The following TTLL8 variants were observed in gnomAD, a reference collection of about 807,000 sequenced individuals.
TTLL8 encodes tubulin tyrosine ligase like 8, also known as protein monoglycylase TTLL8.
Under a neutral mutation model 77.8 loss-of-function variants are expected in TTLL8, and 65 were observed. That is an observed-to-expected ratio of 0.84 (90% CI 0.68 to 1.03). TTLL8 has a LOEUF of 1.03. Among genes scored for constraint, TTLL8 ranks in the 50% least tolerant of loss-of-function variants. The probability of loss-of-function intolerance (pLI) is 0.00; values close to 1 mark genes in which losing one functional copy is unlikely to be tolerated. For synonymous variants in TTLL8, 402 were observed against 422.8 expected (o/e 0.95, Z 0.60); for missense variants, 910 against 1,004.5 (o/e 0.91, Z 1.27).
rs986180817 is a variant in TTLL8 at position 50,044,085 on chromosome 22, G to T, written c.643+1170C>A. Among the ~76,000 whole-genome samples, 16 of 152,178 alleles carry T rather than the reference G, an allele frequency of 1.1e-4. No individual in the cohort carries two copies. Among genetic ancestry groups the T allele is most frequent in the Admixed American group, 1.0e-3 (16 of 15,272 alleles). Reference sequence around the variant, plus strand: ...CAAGCCTGTAATCCCAGCACTGTGGGAGGCCGAGGTGGGCGGATCACCTGA... The same window carrying T: ...CAAGCCTGTAATCCCAGCACTGTGGTAGGCCGAGGTGGGCGGATCACCTGA... On this transcript the variant is annotated intron_variant, in intron 6 of 13. Transcript: ENST00000266182. The surrounding 1 kb of genome is among the most constrained non-coding windows in gnomAD (Gnocchi z 4.2).
chr22:50,049,106 C>T (rs775799257), intron 3 of TTLL8, 143 bp downstream of exon 5: 100 of 1,270,134 alleles, frequency 7.9e-5, no homozygotes, highest in Non-Finnish European at 9.9e-5. Flanking sequence ...GCTGCCCGGT[C>T]AAGGGGCCCT....
Position 50,041,763 on chromosome 22 carries a change from G to T in TTLL8, c.688C>A (p.Leu230Ile). The T allele has an allele frequency of 7.3e-7, 1 of 1,364,686 alleles. No homozygotes were observed. Among genetic ancestry groups the T allele is most frequent in the Non-Finnish European group, 9.8e-7 (1 of 1,020,840 alleles). 84.5% of individuals were successfully genotyped at this position (1,364,686 alleles called of 1,614,324 possible). ...CACACCTTGCACGCGATGTCCACAAGCTGCCCCGGGAGGCCCCTGAGCTTT... is the reference window on the plus strand; with the variant it reads ...CACACCTTGCACGCGATGTCCACAATCTGCCCCGGGAGGCCCCTGAGCTTT... Residue 230 changes from leucine to isoleucine, a missense_variant, in exon 7 of 14, where the codon CTT becomes ATT. Around this residue, in one of 2 missense-constraint regions of TTLL8, gnomAD observed 776 missense variants for 926.1 expected, o/e 0.84. Transcript: ENST00000266182. The surrounding 1 kb of genome is among the most constrained non-coding windows in gnomAD (Gnocchi z 4.3).
chr22:50,032,516 G>C (rs1045263828), intron 10 of TTLL8, among the ~76,000 whole-genome samples: 1 of 152,208 alleles, frequency 6.6e-6, no homozygotes, highest in Non-Finnish European at 1.5e-5. Flanking sequence ...GTGTGACTTC[G>C]AGCATGACCC....
chr22:50,023,233 A>G (rs1278763878), intron 12 of TTLL8, among the ~76,000 whole-genome samples: 1 of 152,254 alleles, frequency 6.6e-6, no homozygotes, highest in African/African-American at 2.4e-5. Context: ...AAAACTATGC[A>G]ATAATATTGC....
chr22:50,050,845 C>T (rs2061440382), intron 1 of TTLL8, among the ~76,000 whole-genome samples: 1 of 152,208 alleles, frequency 6.6e-6, no homozygotes, highest in South Asian at 2.1e-4. Context: ...ACGACCCTTT[C>T]ACGTGGACCC....
exon 6 of TTLL8, chr22:50,045,274 G>A (rs376319309): frequency 1.3e-5 from 18 of 1,357,690 alleles, no homozygotes; most frequent in East Asian, 9.1e-5. Context: ...TGCTCAGGTC[G>A]CTGCTCCCGG....
At chr22:50,028,127 C>G (rs2061242741) in intron 12 of TTLL8, among the ~76,000 whole-genome samples, 1 of 152,220 alleles carries the variant, frequency 6.6e-6, no homozygotes, top group Admixed American at 6.5e-5. Context: ...GGCAGGCAAT[C>G]CGCCCAGTGA....
intron 1 of TTLL8, among the ~76,000 whole-genome samples, chr22:50,054,349 C>G (rs2061459859): frequency 6.6e-6 from 1 of 152,116 alleles, no homozygotes; most frequent in Non-Finnish European, 1.5e-5. Flanking sequence ...ATATGGGGAG[C>G]AGAGGTCTCC....
chr22:50,051,185 C>T (rs1341235140), intron 1 of TTLL8, among the ~76,000 whole-genome samples: 3 of 152,190 alleles, frequency 2.0e-5, no homozygotes, highest in Non-Finnish European at 2.9e-5. Context: ...TTTTATCCCT[C>T]TCTCCCCTCC....
chr22:50,027,574 C>G (rs1601907231), intron 12 of TTLL8: 1 of 871,020 alleles, frequency 1.1e-6, no homozygotes, highest in Non-Finnish European at 1.4e-6. Flanking sequence ...TCCCCAAGAT[C>G]TGCAGATTCA....
At chr22:50,051,892 C>A (rs2061445172) in intron 1 of TTLL8, among the ~76,000 whole-genome samples, 1 of 152,144 alleles carries the variant, frequency 6.6e-6, no homozygotes, top group Non-Finnish European at 1.5e-5. Context: ...GTTTTCAAAG[C>A]AGAAGGAGAC....
In TTLL8 at chr22:50,030,260, C is replaced by T. The variant is rs917718774; in HGVS notation, c.2203+170G>A. The T allele has an allele frequency of 1.0e-5, 10 of 985,234 alleles. No homozygotes were observed. In the African/African-American group the frequency reaches 1.6e-4, roughly 15 times the overall value. 61.0% of individuals were successfully genotyped at this position (985,234 alleles called of 1,614,324 possible). A position where few individuals can be genotyped will look rare whatever the true frequency, so the allele number is the denominator to read the frequency against. On this transcript the variant is annotated intron_variant, in intron 12 of 13. Transcript: ENST00000266182. ...CCGTGCCGGGCTGGGACAGGTGCCC[C>T]AACCCCGCTCCCCGGCTCCCGCCGG...
intron 12 of TTLL8, among the ~76,000 whole-genome samples, chr22:50,021,769 C>CAAT (rs2146623335): frequency 9.1e-6 from 1 of 110,166 alleles, no homozygotes; most frequent in Non-Finnish European, 1.8e-5. Flanking sequence ...CTCCATCTGA[C>CAAT]GTGCACTCCT....
intron 3 of TTLL8, chr22:50,049,030 A>G (rs941747022): frequency 1.3e-5 from 6 of 461,376 alleles, no homozygotes; most frequent in African/African-American, 1.3e-4. Context: ...CACCGGGTCC[A>G]CCCACTACAC....
chr22:50,055,379 C>A, upstream of TTLL8: 1 of 1,258,610 alleles, frequency 7.9e-7, no homozygotes, highest in Non-Finnish European at 1.0e-6. Flanking sequence ...CAAGGCCAGG[C>A]ACGGTGGCTC....
rs759397220 is a variant in TTLL8 at position 50,032,073 on chromosome 22, G to C, written c.1320C>G (p.Tyr440Ter). The C allele has an allele frequency of 7.3e-7, 1 of 1,364,878 alleles. No individual in the cohort carries two copies. The highest frequency in any genetic ancestry group is 9.8e-7 in the Non-Finnish European group (1 of 1,021,062). 84.5% of individuals were successfully genotyped at this position (1,364,878 alleles called of 1,614,324 possible). A position where few individuals can be genotyped will look rare whatever the true frequency, so the allele number is the denominator to read the frequency against. ...GGCTGCGGCCCACATCATTCTTCAG[G>C]TACTTCTGGACGGCGTTGTTGCACA... The change falls in exon 11 of 14, where the codon TAC becomes TAG. Residue 440 changes from tyrosine (Y) to a stop codon, truncating the protein, a stop_gained. Transcript: ENST00000266182. LOFTEE classifies it high-confidence loss of function.
At chr22:50,045,588 C>A (rs955052176) in intron 5 of TTLL8, among the ~76,000 whole-genome samples, 199 bp from the exon 8 acceptor site, 1 of 152,178 alleles carries the variant, frequency 6.6e-6, no homozygotes, top group Non-Finnish European at 1.5e-5. Context: ...CCAGCTGCAC[C>A]CCTCGGCCTC....
chr22:50,021,781 C>T (rs989846221), intron 12 of TTLL8, among the ~76,000 whole-genome samples: 1 of 144,720 alleles, frequency 6.9e-6, no homozygotes, highest in Non-Finnish European at 1.6e-5. Flanking sequence ...TGCACTCCTC[C>T]ATCTGACGAC....
chr22:50,053,894 C>G (rs544258694), intron 1 of TTLL8, among the ~76,000 whole-genome samples: 20 of 152,124 alleles, frequency 1.3e-4, no homozygotes, highest in African/African-American at 4.6e-4. Context: ...CCGGGTGTGT[C>G]CGGCCGTAAC....
Sources: gnomAD v4.1 joint callset for allele counts (sites outside exome capture counted in the v4.1 genomes callset) on GRCh38, gnomAD v4.1.1 for gene constraint, gnomAD v4.1.1 regional missense constraint, Gnocchi (gnomAD v3.1) non-coding constraint, MANE v1.5 for transcripts, NCBI Gene and HGNC (gene_info 2026-07-23, HGNC 2026-07-21) for gene names.